Variants in IFT140 observed in about 807,000 individuals in gnomAD.
IFT140 encodes intraflagellar transport 140.
A neutral mutation model predicts 164.6 loss-of-function variants in IFT140; 133 were observed. That is an observed-to-expected ratio of 0.81 (90% CI 0.70 to 0.93). The LOEUF (loss-of-function observed/expected upper bound fraction) is 0.93, where lower values mean the gene tolerates loss of function less well. IFT140 is among the 40% of genes least tolerant of loss of function. The pLI, the probability that IFT140 is intolerant of heterozygous loss-of-function variation, is 0.00. For missense variants in IFT140, 2,045 were observed against 1,972.3 expected (o/e 1.04, Z -0.70); for synonymous variants, 860 against 817.3 (o/e 1.05, Z -0.89).
intron 3 of IFT140, 82 bp downstream of exon 3, chr16:1,607,038 G>GCA: frequency 5.1e-6 from 7 of 1,385,614 alleles, no homozygotes; most frequent in Non-Finnish European, 7.1e-6. Context: ...ACACACATGT[G>GCA]CACACACACA....
chr16:1,581,754 G>A (rs1278481316), intron 12 of IFT140, among the ~76,000 whole-genome samples: 3 of 97,218 alleles, frequency 3.1e-5, no homozygotes, highest in Admixed American at 2.0e-4. Flanking sequence ...GGGGAGGGGA[G>A]CGGGGGGTGG....
intron 19 of IFT140, chr16:1,532,581 G>C (rs530830303): frequency 4.6e-5 from 7 of 152,304 alleles, no homozygotes; most frequent in Non-Finnish European, 1.0e-4. Context: ...GACAGGAAAC[G>C]GTCAAAGCTC....
At chr16:1,515,158 A>C (rs995403891) in intron 30 of IFT140, among the ~76,000 whole-genome samples, 1 of 152,192 alleles carries the variant, frequency 6.6e-6, no homozygotes, top group African/African-American at 2.4e-5. Context: ...CAAATTTCCC[A>C]AATTTGGCAA....
chr16:1,572,416 G>A (rs1432332051), intron 13 of IFT140, among the ~76,000 whole-genome samples: 1 of 152,232 alleles, frequency 6.6e-6, no homozygotes, highest in Non-Finnish European at 1.5e-5. Context: ...GGAGGCCAAG[G>A]CGCGTGGATC....
At chr16:1,566,119 C>T (rs760796684) in intron 16 of IFT140, 42 bp downstream of exon 16, 1 of 1,600,924 alleles carries the variant, frequency 6.2e-7, no homozygotes, top group East Asian at 2.2e-5. Context: ...AGTAACTGAA[C>T]ATCATTTTTT....
At chr16:1,565,879 T>C (rs1457004838) in intron 16 of IFT140, among the ~76,000 whole-genome samples, 1 of 152,226 alleles carries the variant, frequency 6.6e-6, no homozygotes, top group African/African-American at 2.4e-5. Flanking sequence ...TTTCTCTCCC[T>C]GCAGTGACTC....
intron 20 of IFT140, 80 bp from the exon 21 acceptor site, chr16:1,526,157 G>A (rs561572140): frequency 1.6e-5 from 21 of 1,335,558 alleles, no homozygotes; most frequent in South Asian, 7.0e-5. Context: ...CCAGGCCACC[G>A]GTCACCGCAC....
chr16:1,525,958 G>A lies in IFT140; in HGVS notation c.2697C>T (p.His899=), dbSNP rs377644507. The A allele has an allele frequency of 6.3e-7, 1 of 1,582,666 alleles. No individual in the cohort carries two copies. The highest frequency in any genetic ancestry group is 8.6e-7 in the Non-Finnish European group (1 of 1,165,780). ...CATAGCGGTGGTAGGTGCTGCGCAG[G>A]TGCACGCGATCGTGGTGCTCGGCTA... ...LQVAEHHDRV[H]LRSTYHRYAG... is the part of the protein sequence containing the mutation. Residue 899 remains histidine (H), a synonymous_variant, in exon 21 of 31, where the codon CAC becomes CAT. Transcript: ENST00000426508.
At chr16:1,581,830 A>AGGG (rs2034587701) in intron 12 of IFT140, among the ~76,000 whole-genome samples, 2 of 119,644 alleles carry the variant, frequency 1.7e-5, no homozygotes, top group African/African-American at 6.8e-5. Context: ...GGAGGGGAGG[A>AGGG]GAGGGGATGT....
intron 4 of IFT140, among the ~76,000 whole-genome samples, chr16:1,592,856 C>T (rs572153591): frequency 2.9e-5 from 4 of 138,058 alleles, no homozygotes; most frequent in East Asian, 2.1e-4. Flanking sequence ...GAGTCACTGG[C>T]GGAGGGACAG....
At chr16:1,550,649 C>A (rs750808815) in intron 19 of IFT140, among the ~76,000 whole-genome samples, 1 of 152,162 alleles carries the variant, frequency 6.6e-6, no homozygotes, top group Non-Finnish European at 1.5e-5. Flanking sequence ...TCTGCCTACC[C>A]GCTCTGTGCT....
chr16:1,560,766 TAC>T (rs1437672803), intron 18 of IFT140, among the ~76,000 whole-genome samples: 1 of 152,176 alleles, frequency 6.6e-6, no homozygotes, highest in Non-Finnish European at 1.5e-5. Context: ...ATTAGAAAAG[TAC>T]AGAGTTCATT....
rs905636747 is a variant in IFT140, at chr16:1,592,398, G to A, written c.491+69C>T. The A allele has an allele frequency of 1.1e-5, 17 of 1,610,698 alleles. No individual in the cohort carries two copies. In the African/African-American group the frequency reaches 1.6e-4, roughly 15 times the overall value. Reference sequence around the variant, plus strand: ...AGGGCTGGGGCCCCTCCTGGGTCAGGAGCAGCCCGCTTCCCACCTCCCCCG... The same window carrying A: ...AGGGCTGGGGCCCCTCCTGGGTCAGAAGCAGCCCGCTTCCCACCTCCCCCG... On this transcript the variant is annotated intron_variant, in intron 5 of 30. Transcript: ENST00000426508.
Position 1,540,390 on chromosome 16 carries a change from CCT to C in IFT140, c.2400-13596_2400-13595del, listed in dbSNP as rs1280728366. Reference sequence around the variant, plus strand: ...AAAGCAGCCCGCATCCCCCACCACCCCTGAGCCTTGATGCCAGCGTGCCTGCC... The same window carrying C: ...AAAGCAGCCCGCATCCCCCACCACCCGAGCCTTGATGCCAGCGTGCCTGCC... On this transcript the variant is annotated intron_variant, in intron 19 of 30. Transcript: ENST00000426508. 2.6e-5 allele frequency among the ~76,000 whole-genome samples: 4 copies of C among 152,368 alleles called. No homozygotes were observed. The East Asian group carries it at 7.7e-4, about 29-fold the overall frequency.
rs1288187688 is a variant in IFT140, at chr16:1,553,204, GTCTCTGTCTC to G, written c.2399+4721_2399+4730del. On this transcript the variant is annotated intron_variant, in intron 19 of 30. Coordinates refer to ENST00000426508, the MANE Select transcript of IFT140 (RefSeq NM_014714.4). This position sits in a 1 kb window ranked among gnomAD's most constrained non-coding sequence, Gnocchi z 4.4. Reference sequence around the variant, plus strand: ...TCTGTCTCTCCTTCCCTGTGTCTCTGTCTCTGTCTCTCTCTGTCTCCATCTGTCTCTGTGT... The same window carrying G: ...TCTGTCTCTCCTTCCCTGTGTCTCTGTCTCTGTCTCCATCTGTCTCTGTGT... 5 of 981,796 alleles carry G rather than the reference GTCTCTGTCTC, an allele frequency of 5.1e-6. No individual in the cohort carries two copies. The highest frequency in any genetic ancestry group is 4.7e-5 in the South Asian group (1 of 21,212). 60.8% of individuals were successfully genotyped at this position (981,796 alleles called of 1,614,324 possible). A position where few individuals can be genotyped will look rare whatever the true frequency, so the allele number is the denominator to read the frequency against.
chr16:1,611,111 C>G (rs921519852), intron 1 of IFT140, among the ~76,000 whole-genome samples: 1 of 152,190 alleles, frequency 6.6e-6, no homozygotes, highest in African/African-American at 2.4e-5. Context: ...CTGGGAAAGT[C>G]GATGCGCTCG....
In IFT140 at chr16:1,581,738, GGGGGAGGGGAGGGGAGCGGGGGGT is replaced by G. The variant is rs1218980354; in HGVS notation, c.1433-912_1433-889del. Among the ~76,000 whole-genome samples the G allele has an allele frequency of 9.8e-4, 112 of 114,550 alleles. 3 individuals are homozygous for G. Among genetic ancestry groups the G allele is most frequent in the Middle Eastern group, 4.2e-3 (1 of 236 alleles). 75.1% of individuals were successfully genotyped at this position (114,550 alleles called of 152,430 possible). A position where few individuals can be genotyped will look rare whatever the true frequency, so the allele number is the denominator to read the frequency against. Reference sequence around the variant, plus strand: ...ACAGAGGAGAGGGGAGGGGAGGAGCGGGGGAGGGGAGGGGAGCGGGGGGTGGGGAGGGGAGGGGAGCGGAGGGGA... The same window carrying G: ...ACAGAGGAGAGGGGAGGGGAGGAGCGGGGGAGGGGAGGGGAGCGGAGGGGA... On this transcript the variant is annotated intron_variant, in intron 12 of 30. Coordinates refer to ENST00000426508, the MANE Select transcript of IFT140 (RefSeq NM_014714.4).
Position 1,586,159 on chromosome 16 carries a change from C to T in IFT140, c.1126G>A (p.Glu376Lys), listed in dbSNP as rs200349591. The change falls in exon 10 of 31, where the codon GAG becomes AAG. Residue 376 changes from glutamate to lysine, a missense_variant. Coordinates refer to ENST00000426508, the MANE Select transcript of IFT140 (RefSeq NM_014714.4). ...KDRWALQTPT[E>K]LQGNITQIQW... ...ATTTGCGTGATGTTTCCTTGGAGCT[C>T]GGTAGGGGTCTGAAGGGCCCACCTG... The T allele has an allele frequency of 2.0e-5, 32 of 1,613,766 alleles. No homozygotes were observed. Among genetic ancestry groups the T allele is most frequent in the African/African-American group, 8.0e-5 (6 of 75,018 alleles).
In IFT140 at chr16:1,519,991, G is replaced by A; in HGVS notation, c.3930C>T (p.Ala1310=). 1 of 1,606,192 alleles carries A rather than the reference G, an allele frequency of 6.2e-7. No homozygotes were observed. The highest frequency in any genetic ancestry group is 8.5e-7 in the Non-Finnish European group (1 of 1,176,878). Residue 1310 remains alanine, a synonymous_variant, in exon 29 of 31, where the codon GCC becomes GCT. Coordinates refer to ENST00000426508, the MANE Select transcript of IFT140 (RefSeq NM_014714.4). ...YDKAHGALTE[A]YKCLAKAKAK... The stretch of plus-strand genomic sequence containing the variant: ...CCTTGGCCTTGGCCAGGCACTTGTA[G>A]GCCTCGGTCAGCGCCCCGTGGGCTT...
Sources: gnomAD v4.1 joint callset for allele counts (sites outside exome capture counted in the v4.1 genomes callset) on GRCh38, gnomAD v4.1.1 for gene constraint, Gnocchi (gnomAD v3.1) non-coding constraint, MANE v1.5 for transcripts, NCBI Gene and HGNC (gene_info 2026-07-23, HGNC 2026-07-21) for gene names.